The following LDLRAD4 variants were observed in gnomAD, a reference collection of about 807,000 sequenced individuals.
The protein encoded by LDLRAD4 is low-density lipoprotein receptor class A domain-containing protein 4.
A neutral mutation model predicts 17.0 loss-of-function variants in LDLRAD4; 5 were observed. That is an observed-to-expected ratio of 0.29 (90% CI 0.15 to 0.62). LDLRAD4 has a LOEUF of 0.62. LDLRAD4 is among the 20% of genes least tolerant of loss of function. LDLRAD4 has a pLI of 0.84. For synonymous variants in LDLRAD4, 168 were observed against 171.8 expected (o/e 0.98, Z 0.17); for missense variants, 340 against 424.7 (o/e 0.80, Z 1.75).
chr18:13,270,489 C>T (rs1415985180), intron 1 of LDLRAD4, among the ~76,000 whole-genome samples: 3 of 152,182 alleles, frequency 2.0e-5, no homozygotes, highest in Non-Finnish European at 4.4e-5. Flanking sequence ...TGCATTACCG[C>T]GTACAAGTGT....
intron 2 of LDLRAD4, among the ~76,000 whole-genome samples, chr18:13,423,357 G>T (rs1225918117): frequency 2.6e-5 from 4 of 152,180 alleles, no homozygotes; most frequent in African/African-American, 9.6e-5. Context: ...GCCAGGCATG[G>T]TGGCGGGCTC....
At chr18:13,376,110 T>C (rs1344811015) in intron 1 of LDLRAD4, among the ~76,000 whole-genome samples, 2 of 152,024 alleles carry the variant, frequency 1.3e-5, no homozygotes, top group Admixed American at 1.3e-4. Context: ...AGGCACGAGG[T>C]TGCTGTCTGT....
chr18:13,438,436 G>T (rs1328246683), intron 3 of LDLRAD4, 52 bp downstream of exon 4: 1 of 1,507,812 alleles, frequency 6.6e-7, no homozygotes, highest in Admixed American at 1.7e-5. Flanking sequence ...TTCTGAAACG[G>T]TTAGGAGGTG....
chr18:13,267,826 G>C (rs2044305346), intron 1 of LDLRAD4, among the ~76,000 whole-genome samples: 1 of 152,234 alleles, frequency 6.6e-6, no homozygotes, highest in African/African-American at 2.4e-5. Context: ...CAGACTGTGA[G>C]TCACCCACTG....
intron 3 of LDLRAD4, among the ~76,000 whole-genome samples, chr18:13,544,023 C>T (rs1250717283): frequency 6.6e-6 from 1 of 152,258 alleles, no homozygotes; most frequent in Admixed American, 6.5e-5. Context: ...CGTGCACATG[C>T]ATGCACACAG....
intron 2 of LDLRAD4, among the ~76,000 whole-genome samples, chr18:13,404,739 A>G (rs1425039559): frequency 1.3e-5 from 2 of 151,734 alleles, no homozygotes; most frequent in African/African-American, 2.4e-5. Context: ...CGGAGCTTGC[A>G]GTGAGCCGAG....
chr18:13,376,322 C>T (rs746645210), intron 1 of LDLRAD4, among the ~76,000 whole-genome samples: 6 of 152,214 alleles, frequency 3.9e-5, no homozygotes, highest in South Asian at 2.1e-4. Context: ...CATGACTTTC[C>T]GTGCAGAGGA....
chr18:13,599,089 T>C (rs1326313854), intron 3 of LDLRAD4, among the ~76,000 whole-genome samples: 2 of 152,234 alleles, frequency 1.3e-5, no homozygotes, highest in Non-Finnish European at 2.9e-5. Context: ...GCCTCTTGAC[T>C]GCATTCACCT....
intron 3 of LDLRAD4, among the ~76,000 whole-genome samples, chr18:13,593,658 A>G (rs1241526471): frequency 2.0e-5 from 3 of 152,170 alleles, no homozygotes; most frequent in Non-Finnish European, 2.9e-5. Flanking sequence ...GGGGCTTGCT[A>G]TATGGCGCAG....
At chr18:13,616,969 G>A (rs1321095851) in intron 3 of LDLRAD4, among the ~76,000 whole-genome samples, 3 of 152,204 alleles carry the variant, frequency 2.0e-5, no homozygotes, top group Non-Finnish European at 2.9e-5. Context: ...CACCTGCCAC[G>A]GCTGGGCATG....
intron 1 of LDLRAD4, among the ~76,000 whole-genome samples, chr18:13,237,824 G>A (rs916598851): frequency 6.6e-6 from 1 of 152,208 alleles, no homozygotes; most frequent in Non-Finnish European, 1.5e-5. Context: ...GTTGGGAAGT[G>A]TAGTGATCAG....
chr18:13,350,746 G>C (rs1599604419), intron 1 of LDLRAD4, among the ~76,000 whole-genome samples: 1 of 152,124 alleles, frequency 6.6e-6, no homozygotes, highest in East Asian at 1.9e-4. Flanking sequence ...TTTTCTTCTA[G>C]GGTTTTAATG....
rs753594371 is a variant in LDLRAD4 at position 13,438,434 on chromosome 18, C to T, written c.181+50C>T. ...GGCACTGTCTGATGTGGTTCTGAAA[C>T]GGTTAGGAGGTGGGGTCACTGGGAC... On this transcript the variant is annotated intron_variant, in intron 3 of 5. Coordinates refer to ENST00000359446, the Ensembl canonical transcript of LDLRAD4. 4.3e-5 allele frequency: 66 copies of T among 1,536,062 alleles called. 2 individuals carry two copies. In the South Asian group the frequency reaches 5.0e-4, roughly 12 times the overall value.
At chr18:13,256,852 C>G (rs1248038019) in intron 1 of LDLRAD4, among the ~76,000 whole-genome samples, 2 of 152,170 alleles carry the variant, frequency 1.3e-5, no homozygotes, top group Admixed American at 1.3e-4. Flanking sequence ...GGTGTGTGTG[C>G]CGGGGAAGGA....
At chr18:13,418,739 T>C (rs2089171046) in intron 2 of LDLRAD4, among the ~76,000 whole-genome samples, 1 of 152,232 alleles carries the variant, frequency 6.6e-6, no homozygotes, top group Non-Finnish European at 1.5e-5. Flanking sequence ...TTCTGAAGCA[T>C]TTATTTATTC....
At chr18:13,465,807 A>G (rs1187305309) in intron 3 of LDLRAD4, among the ~76,000 whole-genome samples, 23 of 152,216 alleles carry the variant, frequency 1.5e-4, no homozygotes. Context: ...TTTTGAAAGC[A>G]ATGCTGAGTT....
chr18:13,335,470 C>T (rs555970682), intron 1 of LDLRAD4, among the ~76,000 whole-genome samples: 1 of 152,318 alleles, frequency 6.6e-6, no homozygotes, highest in East Asian at 1.9e-4. Flanking sequence ...CTACTCTCCC[C>T]CAACACTACA....
chr18:13,628,066 C>T (rs1218272899), intron 4 of LDLRAD4, among the ~76,000 whole-genome samples: 2 of 152,214 alleles, frequency 1.3e-5, no homozygotes, highest in African/African-American at 4.8e-5. Context: ...TGGGATCCCT[C>T]GGAGGGCACA....
chr18:13,283,939 C>A (rs1208975787), intron 1 of LDLRAD4, among the ~76,000 whole-genome samples: 1 of 152,086 alleles, frequency 6.6e-6, no homozygotes, highest in Admixed American at 6.6e-5. Flanking sequence ...GAGGAAGAAG[C>A]AAAAGCAGAA....
Sources: gnomAD v4.1 joint callset for allele counts (sites outside exome capture counted in the v4.1 genomes callset) on GRCh38, gnomAD v4.1.1 for gene constraint, MANE v1.5 for transcripts, NCBI Gene and HGNC (gene_info 2026-07-23, HGNC 2026-07-21) for gene names.